MGAT4C: variants seen among roughly 807,000 people sequenced by gnomAD.
MGAT4C encodes the protein MGAT4 family member C.
A neutral mutation model predicts 40.1 loss-of-function variants in MGAT4C; 19 were observed. The observed-to-expected ratio is 0.47, with a 90% CI of 0.33 to 0.70. The LOEUF (loss-of-function observed/expected upper bound fraction) is 0.70, where lower values mean the gene tolerates loss of function less well. Among genes scored for constraint, MGAT4C ranks in the 30% least tolerant of loss-of-function variants. MGAT4C has a pLI of 0.02. For synonymous variants in MGAT4C, 181 were observed against 187.1 expected (o/e 0.97, Z 0.27); for missense variants, 491 against 563.2 (o/e 0.87, Z 1.30).
At chr12:86,212,099 C>T (rs1378180018) in intron 1 of MGAT4C, among the ~76,000 whole-genome samples, 1 of 152,142 alleles carries the variant, frequency 6.6e-6, no homozygotes, top group African/African-American at 2.4e-5. Flanking sequence ...CTAGAATCAT[C>T]ATTACTTTAT....
intron 2 of MGAT4C, among the ~76,000 whole-genome samples, chr12:86,046,922 T>C (rs1892451868): frequency 1.3e-5 from 2 of 152,206 alleles, no homozygotes; most frequent in African/African-American, 4.8e-5. Context: ...AAACTTCTCA[T>C]TAATTTTTGT....
chr12:86,028,268 T>A, intron 2 of MGAT4C: 1 of 919,190 alleles, frequency 1.1e-6, no homozygotes, highest in Non-Finnish European at 1.5e-6. Flanking sequence ...TACCTTCTCT[T>A]GCCCTAGTAA....
At chr12:86,732,744 T>C (rs1429757107) in intron 1 of MGAT4C, among the ~76,000 whole-genome samples, 1 of 151,352 alleles carries the variant, frequency 6.6e-6, no homozygotes, top group Non-Finnish European at 1.5e-5. Context: ...TAACAGGCCA[T>C]GGACCAGTAT....
chr12:86,412,782 T>G (rs1296728719), intron 3 of MGAT4C, among the ~76,000 whole-genome samples: 1 of 152,192 alleles, frequency 6.6e-6, no homozygotes, highest in African/African-American at 2.4e-5. Flanking sequence ...TGGACCAAAT[T>G]ATACAGTTTG....
intron 2 of MGAT4C, among the ~76,000 whole-genome samples, chr12:86,699,785 T>G (rs181487871): frequency 8.4e-4 from 127 of 152,012 alleles, no homozygotes; most frequent in African/African-American, 2.9e-3. Flanking sequence ...AGTAGAAAAT[T>G]TATTTACCAT....
intron 1 of MGAT4C, among the ~76,000 whole-genome samples, chr12:86,775,345 A>G (rs1464433651): frequency 6.6e-6 from 1 of 151,672 alleles, no homozygotes; most frequent in Non-Finnish European, 1.5e-5. Context: ...TATATATTTA[A>G]CATAGATAAC....
intron 1 of MGAT4C, among the ~76,000 whole-genome samples, chr12:86,760,406 G>A (rs1951384074): frequency 6.6e-6 from 1 of 151,800 alleles, no homozygotes; most frequent in Non-Finnish European, 1.5e-5. Context: ...TGGATAAGTA[G>A]CTTTTCCAAG....
chr12:86,448,663 T>G (rs1205796510), intron 2 of MGAT4C, among the ~76,000 whole-genome samples: 1 of 152,146 alleles, frequency 6.6e-6, no homozygotes, highest in Non-Finnish European at 1.5e-5. Context: ...TTAAAATGAA[T>G]CTCAGCAAAA....
At chr12:86,560,144 T>C (rs574393025) in intron 2 of MGAT4C, among the ~76,000 whole-genome samples, 1 of 152,078 alleles carries the variant, frequency 6.6e-6, no homozygotes, top group East Asian at 1.9e-4. Context: ...AATTACAACA[T>C]TGACAACATC....
chr12:86,762,141 C>G (rs1204435154), intron 1 of MGAT4C, among the ~76,000 whole-genome samples: 1 of 151,666 alleles, frequency 6.6e-6, no homozygotes, highest in Non-Finnish European at 1.5e-5. Flanking sequence ...AGTCTTAACC[C>G]CCTGGACTTA....
intron 2 of MGAT4C, among the ~76,000 whole-genome samples, chr12:85,995,685 T>C (rs1041177157): frequency 1.3e-5 from 2 of 152,084 alleles, no homozygotes; most frequent in African/African-American, 4.8e-5. Flanking sequence ...CTGGGCAACA[T>C]AGTGAGACCC....
At chr12:86,481,703 T>A (rs990516434) in intron 2 of MGAT4C, among the ~76,000 whole-genome samples, 1 of 151,776 alleles carries the variant, frequency 6.6e-6, no homozygotes, top group Non-Finnish European at 1.5e-5. Context: ...AGAAAATAAA[T>A]CATATTGAAA....
chr12:86,472,481 T>C (rs201614673), intron 2 of MGAT4C, among the ~76,000 whole-genome samples: 1 of 152,134 alleles, frequency 6.6e-6, no homozygotes, highest in East Asian at 1.9e-4. Context: ...GATATTTAAT[T>C]CAATTAAAAG....
rs1447033899 is a variant in MGAT4C, at chr12:85,980,072, G to T, written c.654C>A (p.Asp218Glu). The change falls in exon 5 of 5, where the codon GAC becomes GAA. Residue 218 changes from aspartate to glutamate, a missense_variant. Coordinates refer to ENST00000611864, the MANE Select transcript of MGAT4C (RefSeq NM_001351288.2). ...CATCATCTTCAAGCATTACATAATA[G>T]TCTGAAGTATTGGCACAAAAATTAA... ...FLLNFCANTS[D>E]YYVMLEDDVR... The T allele has an allele frequency of 6.2e-7, 1 of 1,613,590 alleles. No individual in the cohort carries two copies. Among genetic ancestry groups the T allele is most frequent in the African/African-American group, 1.3e-5 (1 of 74,892 alleles).
intron 1 of MGAT4C, among the ~76,000 whole-genome samples, chr12:86,737,141 A>T (rs1369460892): frequency 2.0e-5 from 3 of 150,824 alleles, no homozygotes; most frequent in Non-Finnish European, 4.4e-5. Flanking sequence ...GCTTCGCTTG[A>T]TTCCTTAAAT....
intron 2 of MGAT4C, among the ~76,000 whole-genome samples, chr12:86,664,861 C>CT (rs1028111677): frequency 1.3e-5 from 2 of 151,926 alleles, no homozygotes; most frequent in Non-Finnish European, 2.9e-5. Context: ...TATAAACTAA[C>CT]TTTTTTTTGG....
At chr12:86,226,983 T>C (rs1951111685) in intron 1 of MGAT4C, among the ~76,000 whole-genome samples, 1 of 151,960 alleles carries the variant, frequency 6.6e-6, no homozygotes, top group Non-Finnish European at 1.5e-5. Flanking sequence ...ACTTTGTCTT[T>C]ATCCACTCTT....
intron 1 of MGAT4C, among the ~76,000 whole-genome samples, chr12:86,727,512 T>G (rs1950841635): frequency 6.6e-6 from 1 of 151,916 alleles, no homozygotes. Context: ...ATCAGAGATC[T>G]TAAATATTGC....
intron 1 of MGAT4C, among the ~76,000 whole-genome samples, chr12:86,055,328 G>C (rs1354521197): frequency 1.3e-5 from 2 of 151,886 alleles, no homozygotes; most frequent in Admixed American, 1.3e-4. Context: ...GTCTAGTTGA[G>C]GGAATAAGAT....
Sources: gnomAD v4.1 joint callset for allele counts (sites outside exome capture counted in the v4.1 genomes callset) on GRCh38, gnomAD v4.1.1 for gene constraint, MANE v1.5 for transcripts, NCBI Gene and HGNC (gene_info 2026-07-23, HGNC 2026-07-21) for gene names.